The following YAF2 variants were observed in gnomAD, a reference collection of about 807,000 sequenced individuals.
YAF2 encodes YY1-associated factor 2.
YAF2 carries 7 observed loss-of-function variants against 20.1 expected under a neutral mutation model. The observed-to-expected ratio is 0.35, with a 90% CI of 0.20 to 0.65. YAF2 has a LOEUF of 0.65. Ranked by LOEUF, YAF2 falls within the 30% of genes least tolerant of loss-of-function variation. The pLI is 0.69. For missense variants in YAF2, 151 were observed against 219.2 expected (o/e 0.69, Z 1.96); for synonymous variants, 74 against 76.0 (o/e 0.97, Z 0.14).
At chr12:42,230,173 C>T (rs1163261824) in intron 2 of YAF2, among the ~76,000 whole-genome samples, 1 of 152,132 alleles carries the variant, frequency 6.6e-6, no homozygotes, top group Non-Finnish European at 1.5e-5. Flanking sequence ...AGGAGAATCG[C>T]TCAAATCTGG....
intron 2 of YAF2, among the ~76,000 whole-genome samples, chr12:42,213,993 A>G (rs1445458936): frequency 6.6e-6 from 1 of 152,198 alleles, no homozygotes; most frequent in Non-Finnish European, 1.5e-5. Flanking sequence ...TAGTCTTTCT[A>G]TTTACACATT....
At chr12:42,224,529 C>A (rs895809076) in intron 2 of YAF2, among the ~76,000 whole-genome samples, 1 of 151,902 alleles carries the variant, frequency 6.6e-6, no homozygotes, top group Non-Finnish European at 1.5e-5. Flanking sequence ...CCTCCTCTAG[C>A]CCCCCACCCC....
intron 2 of YAF2, among the ~76,000 whole-genome samples, chr12:42,202,244 A>G (rs2066919777): frequency 6.6e-6 from 1 of 152,112 alleles, no homozygotes; most frequent in Admixed American, 6.5e-5. Context: ...CTTTTCCTGT[A>G]CTAATACTAT....
At chr12:42,199,047 T>C in intron 2 of YAF2, 1 of 658,598 alleles carries the variant, frequency 1.5e-6, no homozygotes. Flanking sequence ...TTTTGTTGAA[T>C]TTAATATTGT....
At chr12:42,196,221 C>A in intron 2 of YAF2, among the ~76,000 whole-genome samples, 1 of 106,592 alleles carries the variant, frequency 9.4e-6, no homozygotes, top group African/African-American at 3.6e-5. Context: ...AGCAAGAATC[C>A]ATCTGGAAAA....
At chr12:42,238,088 A>C (rs1267312511) in intron 1 of YAF2, 67 bp downstream of exon 1, 6 of 1,273,936 alleles carry the variant, frequency 4.7e-6, no homozygotes, top group Non-Finnish European at 6.0e-6. Flanking sequence ...CGAGGCGGCC[A>C]CCCGAAGCCC....
At chr12:42,177,330 G>C (rs1233406167) in intron 2 of YAF2, among the ~76,000 whole-genome samples, 5 of 152,128 alleles carry the variant, frequency 3.3e-5, no homozygotes, top group Non-Finnish European at 7.3e-5. Flanking sequence ...TTTTCTCACA[G>C]TTCTGGAGGG....
chr12:42,213,465 G>T (rs560689969), intron 2 of YAF2, among the ~76,000 whole-genome samples: 12 of 152,256 alleles, frequency 7.9e-5, no homozygotes, highest in African/African-American at 2.9e-4. Context: ...ATTCTTAATA[G>T]CCATCTCTAA....
chr12:42,167,449 G>A (rs2065942238), intron 2 of YAF2, among the ~76,000 whole-genome samples: 1 of 152,092 alleles, frequency 6.6e-6, no homozygotes, highest in Non-Finnish European at 1.5e-5. Flanking sequence ...AAAAATAAAT[G>A]TTCTCCTTCT....
chr12:42,231,517 T>A (rs1013129572), intron 2 of YAF2: 1 of 152,202 alleles, frequency 6.6e-6, no homozygotes, highest in African/African-American at 2.4e-5. Flanking sequence ...CAGTTGTTTC[T>A]CAAAGGTTAG....
chr12:42,214,482 G>A lies in YAF2; in HGVS notation c.152+23117C>T, dbSNP rs149220319. Among the ~76,000 whole-genome samples the A allele has an allele frequency of 8.7e-3, 1,314 of 151,834 alleles. 7 individuals carry two copies. Among genetic ancestry groups the A allele is most frequent in the Middle Eastern group, 0.014 (4 of 292 alleles). Reference sequence around the variant, plus strand: ...AGATGGGGTTTTGCCACGTTGCCCAGGCTGGTCTCGAACTCCTGAGCTAAA... The same window carrying A: ...AGATGGGGTTTTGCCACGTTGCCCAAGCTGGTCTCGAACTCCTGAGCTAAA... On this transcript the variant is annotated intron_variant, in intron 2 of 3. Transcript: ENST00000534854.
At chr12:42,215,589 C>T (rs889861739) in intron 2 of YAF2, among the ~76,000 whole-genome samples, 1 of 151,932 alleles carries the variant, frequency 6.6e-6, no homozygotes, top group African/African-American at 2.4e-5. Context: ...ATACATATTC[C>T]CTCACAATTA....
Position 42,161,698 on chromosome 12 carries a change from A to G in YAF2, c.220T>C (p.Ser74Pro). 3 of 1,608,680 alleles carry G rather than the reference A, an allele frequency of 1.9e-6. No homozygotes were observed. Among genetic ancestry groups the G allele is most frequent in the Non-Finnish European group, 2.5e-6 (3 of 1,178,582 alleles). ...VTQQFVPPTQSKKEKKDKVEK... is the reference protein window; with the variant it reads ...VTQQFVPPTQPKKEKKDKVEK... ...ACTTTATCTTTTTTCTCTTTCTTTGACTGTGTAGGAGGCACAAACTGCTGA... is the reference window on the plus strand; with the variant it reads ...ACTTTATCTTTTTTCTCTTTCTTTGGCTGTGTAGGAGGCACAAACTGCTGA... The change falls in exon 3 of 4, where the codon TCA becomes CCA. Residue 74 changes from serine (S) to proline (P), a missense_variant. Physicochemically the swap from Ser to Pro is moderately conservative, Grantham distance 74. Around this residue, in one of 3 missense-constraint regions of YAF2, gnomAD observed 50 missense variants for 112.0 expected, o/e 0.45. Coordinates refer to ENST00000534854, the MANE Select transcript of YAF2 (RefSeq NM_005748.6).
chr12:42,209,561 C>T (rs142572370), intron 2 of YAF2, among the ~76,000 whole-genome samples: 1 of 80,658 alleles, frequency 1.2e-5, no homozygotes, highest in Non-Finnish European at 2.2e-5. Flanking sequence ...CAGACTTTGT[C>T]TCAAAAAAAA....
At chr12:42,212,958 T>C (rs1460538109) in intron 2 of YAF2, among the ~76,000 whole-genome samples, 3 of 152,216 alleles carry the variant, frequency 2.0e-5, no homozygotes, top group Admixed American at 6.5e-5. Context: ...AGTAAGTACA[T>C]AGCACAAAGG....
chr12:42,197,251 C>G lies in YAF2; in HGVS notation c.153-35486G>C, dbSNP rs2066777688. ...CGTGCTGCCCAGTGTTCTTTCTAGACTGGTGTTCTTCCTTTGGCTATGAAC... is the reference window on the plus strand; with the variant it reads ...CGTGCTGCCCAGTGTTCTTTCTAGAGTGGTGTTCTTCCTTTGGCTATGAAC... On this transcript the variant is annotated intron_variant, in intron 2 of 3. Coordinates refer to ENST00000534854, the MANE Select transcript of YAF2 (RefSeq NM_005748.6). Among the ~76,000 whole-genome samples, 3 of 152,210 alleles carry G rather than the reference C, an allele frequency of 2.0e-5. No individual in the cohort carries two copies. In the South Asian group the frequency reaches 6.2e-4, roughly 31 times the overall value.
In YAF2 at chr12:42,159,543, T is replaced by A. The variant is rs2136940325; in HGVS notation, c.*1046A>T. The A allele has an allele frequency of 6.6e-6, 1 of 152,258 alleles. No homozygotes were observed. The highest frequency in any genetic ancestry group is 2.4e-5 in the African/African-American group (1 of 41,592). 9.4% of individuals were successfully genotyped at this position (152,258 alleles called of 1,614,324 possible). A position where few individuals can be genotyped will look rare whatever the true frequency, so the allele number is the denominator to read the frequency against. The stretch of plus-strand genomic sequence containing the variant: ...AGAAATGTGTAAACTGGCAGCTGTG[T>A]CTGAAAATAGGGTACTATGATTTTC... On this transcript the variant is annotated 3_prime_UTR_variant, in exon 4 of 4. Transcript: ENST00000534854.
At chr12:42,188,105 G>A (rs1047142195) in intron 2 of YAF2, among the ~76,000 whole-genome samples, 2 of 152,142 alleles carry the variant, frequency 1.3e-5, no homozygotes, top group South Asian at 2.1e-4. Context: ...CAGGAACTAT[G>A]AGAAAATAAA....
intron 2 of YAF2, among the ~76,000 whole-genome samples, chr12:42,179,021 C>A (rs1402690170): frequency 1.3e-5 from 2 of 151,864 alleles, no homozygotes; most frequent in East Asian, 3.9e-4. Context: ...CCTCTGCACT[C>A]CAGCCTGTGA....
Sources: gnomAD v4.1 joint callset for allele counts (sites outside exome capture counted in the v4.1 genomes callset) on GRCh38, gnomAD v4.1.1 for gene constraint, gnomAD v4.1.1 regional missense constraint, MANE v1.5 for transcripts, NCBI Gene and HGNC (gene_info 2026-07-23, HGNC 2026-07-21) for gene names.